The following PRIM2 variants were observed in gnomAD, a reference collection of about 807,000 sequenced individuals.
PRIM2 encodes DNA primase large subunit.
In PRIM2, 39 loss-of-function variants were observed where a neutral mutation model predicts 67.3. That is an observed-to-expected ratio of 0.58 (90% CI 0.45 to 0.76). The LOEUF (loss-of-function observed/expected upper bound fraction) is 0.76. Ranked by LOEUF, PRIM2 falls within the 30% of genes least tolerant of loss-of-function variation. The pLI is 0.00. For synonymous variants in PRIM2, 143 were observed against 198.7 expected, an observed-to-expected ratio of 0.72 and a Z score of 2.36; for missense variants, 398 against 598.7, an observed-to-expected ratio of 0.66 and a Z score of 3.50.
intron 5 of PRIM2, among the ~76,000 whole-genome samples, chr6:57,330,076 A>G (rs992024485): frequency 1.3e-5 from 2 of 152,176 alleles, no homozygotes; most frequent in Admixed American, 6.5e-5. Flanking sequence ...ATTACATTGA[A>G]TCTGTAGATC....
the PRIM2 span, among the ~76,000 whole-genome samples, chr6:57,279,667 A>T: frequency 6.6e-6 from 1 of 152,160 alleles, no homozygotes; most frequent in African/African-American, 2.4e-5. Context: ...TCTCATTAAA[A>T]AGTGGTGGAG....
At chr6:57,532,556 T>C (rs1243545857) in intron 9 of PRIM2, 73 bp downstream of exon 9, 1 of 629,456 alleles carries the variant, frequency 1.6e-6, no homozygotes, top group East Asian at 3.1e-5. Flanking sequence ...ATCAAAGACT[T>C]TTGGGTGAGG....
chr6:57,295,778 G>C, the PRIM2 span, among the ~76,000 whole-genome samples: 2,964 of 152,224 alleles, frequency 0.019, 105 homozygotes, highest in African/African-American at 0.067. Context: ...AAAATTGAAT[G>C]TGTCATCTTC....
intron 2 of PRIM2, 128 bp downstream of exon 2, chr6:57,318,727 A>G (rs1038322651): frequency 1.7e-5 from 13 of 743,748 alleles, no homozygotes; most frequent in South Asian, 5.8e-5. Context: ...GAGGTAATTC[A>G]TATCCTTCAT....
intron 6 of PRIM2, among the ~76,000 whole-genome samples, chr6:57,381,672 G>A (rs560162609): frequency 6.6e-6 from 1 of 152,242 alleles, no homozygotes; most frequent in South Asian, 2.1e-4. Context: ...CTCTGATGCA[G>A]AATACAAAGT....
intron 7 of PRIM2, among the ~76,000 whole-genome samples, chr6:57,459,549 C>A (rs1442947117): frequency 3.3e-5 from 5 of 152,120 alleles, no homozygotes; most frequent in Admixed American, 6.5e-5. Flanking sequence ...CTAGACCACA[C>A]TACAACATAC....
At chr6:57,583,139 A>G (rs1776127877) in intron 10 of PRIM2, among the ~76,000 whole-genome samples, 2 of 148,974 alleles carry the variant, frequency 1.3e-5, no homozygotes, top group Admixed American at 1.3e-4. Context: ...ATGGCTGCAT[A>G]GTATTCCATG....
chr6:57,275,962 T>C, the PRIM2 span, among the ~76,000 whole-genome samples: 32 of 152,308 alleles, frequency 2.1e-4, no homozygotes, highest in African/African-American at 7.5e-4. Context: ...CAGTGAAATA[T>C]TGTATAGCAG....
At position 57,620,280 on chromosome 6, in the gene PRIM2, G is replaced by C. The variant is rs1389083458; in HGVS notation, c.1231-11853G>C. On this transcript the variant is annotated intron_variant, in intron 12 of 13. Transcript: ENST00000615550. ...TTGTCATCAGGTTATCCAAAGTTAA[G>C]ATGAAGGAACAAATCTTAAGAGCTG... Among the ~76,000 whole-genome samples the C allele has an allele frequency of 2.6e-5, 4 of 152,296 alleles. No individual in the cohort carries two copies. In the East Asian group the frequency reaches 7.7e-4, roughly 29 times the overall value.
chr6:57,452,788 G>A (rs200885926), intron 7 of PRIM2, among the ~76,000 whole-genome samples: 9 of 151,956 alleles, frequency 5.9e-5, no homozygotes, highest in African/African-American at 1.7e-4. Context: ...CTTTTAGTTT[G>A]ATTAGATCCC....
At chr6:57,630,555 C>A (rs1777022853) in intron 12 of PRIM2, among the ~76,000 whole-genome samples, 1 of 151,428 alleles carries the variant, frequency 6.6e-6, no homozygotes, top group Non-Finnish European at 1.5e-5. Flanking sequence ...TAGCATGTTT[C>A]CCAAACATAT....
the PRIM2 span, among the ~76,000 whole-genome samples, chr6:57,249,481 C>T: frequency 2.0e-5 from 3 of 152,272 alleles, no homozygotes; most frequent in South Asian, 4.1e-4. Context: ...GTGGCTCATG[C>T]CTGTAATCCC....
At chr6:57,368,033 T>G (rs964747644) in intron 5 of PRIM2, among the ~76,000 whole-genome samples, 6 of 152,226 alleles carry the variant, frequency 3.9e-5, no homozygotes, top group Admixed American at 2.0e-4. Flanking sequence ...CAAATTGCCC[T>G]TTATAATCAC....
chr6:57,562,900 C>G (rs1422240171), intron 10 of PRIM2, among the ~76,000 whole-genome samples: 26 of 152,290 alleles, frequency 1.7e-4, no homozygotes, highest in Non-Finnish European at 3.4e-4. Context: ...ATCACCATCT[C>G]TTATCTAATT....
upstream of PRIM2, among the ~76,000 whole-genome samples, chr6:57,311,678 C>T (rs1349001453): frequency 3.3e-5 from 5 of 152,104 alleles, no homozygotes; most frequent in East Asian, 1.9e-4. Flanking sequence ...CAAGGCAGGC[C>T]GCTGGGAGGT....
intron 10 of PRIM2, among the ~76,000 whole-genome samples, chr6:57,599,494 G>A (rs1582012896): frequency 1.3e-5 from 2 of 151,306 alleles, no homozygotes. Flanking sequence ...TATTTCAATA[G>A]CATTTTACCT....
rs185367105 is a variant in PRIM2, at chr6:57,433,977, T to G, written c.693+51809T>G. On this transcript the variant is annotated intron_variant, in intron 7 of 13. Coordinates refer to ENST00000615550, the MANE Select transcript of PRIM2 (RefSeq NM_000947.5). Reference sequence around the variant, plus strand: ...TTCGCTCTTGTTGCCCAGGCTGGAGTGCAGTGGCGCAATCTCAGCTCACGG... The same window carrying G: ...TTCGCTCTTGTTGCCCAGGCTGGAGGGCAGTGGCGCAATCTCAGCTCACGG... Among the ~76,000 whole-genome samples the G allele has an allele frequency of 4.0e-5, 6 of 148,798 alleles. No homozygotes were observed. In the East Asian group the frequency reaches 1.2e-3, roughly 30 times the overall value.
chr6:57,353,914 G>A (rs1238160492), intron 5 of PRIM2, among the ~76,000 whole-genome samples: 5 of 152,132 alleles, frequency 3.3e-5, no homozygotes, highest in African/African-American at 1.2e-4. Flanking sequence ...CTTCGGGTGG[G>A]TTAAGAGAAG....
the PRIM2 span, among the ~76,000 whole-genome samples, chr6:57,309,194 G>T: frequency 6.6e-6 from 1 of 150,686 alleles, no homozygotes; most frequent in Non-Finnish European, 1.5e-5. Context: ...CATTGTGCAG[G>T]TTAGTTACAT....
Sources: gnomAD v4.1 joint callset for allele counts (sites outside exome capture counted in the v4.1 genomes callset) on GRCh38, gnomAD v4.1.1 for gene constraint, MANE v1.5 for transcripts, NCBI Gene and HGNC (gene_info 2026-07-23, HGNC 2026-07-21) for gene names.